Variants in CACNA2D3 observed in about 807,000 individuals in gnomAD.
CACNA2D3 encodes calcium voltage-gated channel auxiliary subunit alpha2delta 3, also known as voltage-dependent calcium channel subunit alpha-2/delta-3.
Under a neutral mutation model 160.6 loss-of-function variants are expected in CACNA2D3, and 60 were observed. That is an observed-to-expected ratio of 0.37 (90% CI 0.30 to 0.46). CACNA2D3 has a LOEUF of 0.46. Among genes scored for constraint, CACNA2D3 ranks in the 20% least tolerant of loss-of-function variants. The probability of loss-of-function intolerance (pLI) is 1.00; values close to 1 mark genes in which losing one functional copy is unlikely to be tolerated. For synonymous variants in CACNA2D3, 558 were observed against 492.9 expected, an observed-to-expected ratio of 1.13 and a Z score of -1.75; for missense variants, 1,205 against 1,365.0, an observed-to-expected ratio of 0.88 and a Z score of 1.85.
chr3:54,897,882 G>A (rs1364011786), intron 26 of CACNA2D3, among the ~76,000 whole-genome samples: 1 of 152,196 alleles, frequency 6.6e-6, no homozygotes, highest in East Asian at 1.9e-4. Context: ...CATATTTAAG[G>A]AGAGGCTGAA....
intron 17 of CACNA2D3, among the ~76,000 whole-genome samples, chr3:54,868,783 GTCT>G (rs1371147952): frequency 6.6e-6 from 1 of 152,122 alleles, no homozygotes; most frequent in African/African-American, 2.4e-5. Flanking sequence ...TTATTGAATG[GTCT>G]TCTTCATTTC....
chr3:54,713,543 C>G (rs562147463), intron 11 of CACNA2D3, among the ~76,000 whole-genome samples: 1 of 152,314 alleles, frequency 6.6e-6, no homozygotes, highest in African/African-American at 2.4e-5. Flanking sequence ...TGAAATTCCT[C>G]TTTTCTTCTC....
intron 13 of CACNA2D3, among the ~76,000 whole-genome samples, chr3:54,794,575 C>G (rs7638223): frequency 0.29 from 44,436 of 151,024 alleles, 6,933 homozygotes; most frequent in African/African-American, 0.39. Flanking sequence ...CTATAGTTCA[C>G]CTCTGCTGGC....
At chr3:54,734,610 G>A (rs1701459887) in intron 11 of CACNA2D3, among the ~76,000 whole-genome samples, 1 of 152,138 alleles carries the variant, frequency 6.6e-6, no homozygotes, top group African/African-American at 2.4e-5. Flanking sequence ...GTTTCATTTG[G>A]GGATGCTCGA....
intron 11 of CACNA2D3, among the ~76,000 whole-genome samples, chr3:54,745,823 T>G (rs1043317685): frequency 6.6e-6 from 1 of 152,170 alleles, no homozygotes; most frequent in Non-Finnish European, 1.5e-5. Flanking sequence ...TTGGAATTTT[T>G]TTTTCAATAC....
intron 27 of CACNA2D3, among the ~76,000 whole-genome samples, chr3:54,948,556 G>A (rs1363682569): frequency 1.3e-5 from 2 of 152,116 alleles, no homozygotes; most frequent in Non-Finnish European, 2.9e-5. Context: ...CAGCTAACTC[G>A]GTACAACTGG....
At chr3:54,415,341 T>G (rs1699737189) in intron 4 of CACNA2D3, among the ~76,000 whole-genome samples, 1 of 152,164 alleles carries the variant, frequency 6.6e-6, no homozygotes, top group Non-Finnish European at 1.5e-5. Context: ...TTGAATCTGG[T>G]GGCAATCCCG....
intron 6 of CACNA2D3, among the ~76,000 whole-genome samples, chr3:54,567,807 G>A (rs548973649): frequency 1.3e-5 from 2 of 152,344 alleles, no homozygotes; most frequent in East Asian, 3.9e-4. Flanking sequence ...TGGGATTACA[G>A]GCGTGAGCCA....
chr3:54,944,453 C>G (rs563463148), intron 27 of CACNA2D3, among the ~76,000 whole-genome samples: 3 of 151,814 alleles, frequency 2.0e-5, no homozygotes, highest in Non-Finnish European at 2.9e-5. Context: ...CGGAATCTCG[C>G]TCTGTCGCCC....
intron 9 of CACNA2D3, among the ~76,000 whole-genome samples, chr3:54,616,231 A>C (rs1698847324): frequency 6.6e-6 from 1 of 152,196 alleles, no homozygotes; most frequent in African/African-American, 2.4e-5. Flanking sequence ...TTCAGGATGT[A>C]GGCTGGGGGC....
At chr3:54,922,052 C>T (rs558316367) in intron 27 of CACNA2D3, among the ~76,000 whole-genome samples, 40 of 152,134 alleles carry the variant, frequency 2.6e-4, no homozygotes, top group Non-Finnish European at 4.7e-4. Flanking sequence ...GTCTTATTAC[C>T]CCAAATCAAT....
At position 54,734,618 on chromosome 3, in the gene CACNA2D3, C is replaced by T. The variant is rs924552050; in HGVS notation, c.1168-17981C>T. 2.6e-5 allele frequency among the ~76,000 whole-genome samples: 4 copies of T among 152,108 alleles called. No homozygotes were observed. In the East Asian group the frequency reaches 5.8e-4, roughly 22 times the overall value. On this transcript the variant is annotated intron_variant, in intron 11 of 37. Transcript: ENST00000474759. ...CCTGGTTGTTTCATTTGGGGATGCT[C>T]GAAGCATCTTTGCAGATCGGTAGGA...
chr3:54,575,665 G>C (rs144594353), intron 8 of CACNA2D3, among the ~76,000 whole-genome samples: 1 of 152,186 alleles, frequency 6.6e-6, no homozygotes, highest in East Asian at 1.9e-4. Context: ...CTTGGAGAGG[G>C]AGTAGTTGGG....
At chr3:54,663,575 G>C (rs972304341) in intron 11 of CACNA2D3, among the ~76,000 whole-genome samples, 14 of 152,206 alleles carry the variant, frequency 9.2e-5, no homozygotes, top group Non-Finnish European at 1.5e-4. Flanking sequence ...TTTCACTTCA[G>C]AGAGGCAGGA....
intron 12 of CACNA2D3, among the ~76,000 whole-genome samples, chr3:54,763,707 A>ACATATATACATATATATGTG (rs1452877412): frequency 2.6e-4 from 29 of 111,592 alleles, no homozygotes; most frequent in Non-Finnish European, 4.2e-4. Flanking sequence ...GTATATATGT[A>ACATATATACATATATATGTG]TATATATGTA....
chr3:54,754,467 T>G (rs1701933918), intron 12 of CACNA2D3, among the ~76,000 whole-genome samples: 1 of 152,188 alleles, frequency 6.6e-6, no homozygotes, highest in Non-Finnish European at 1.5e-5. Context: ...CTCTGGTATG[T>G]AAGTGCCCTG....
intron 4 of CACNA2D3, among the ~76,000 whole-genome samples, chr3:54,442,083 A>G (rs930055186): frequency 3.3e-5 from 5 of 152,188 alleles, no homozygotes; most frequent in African/African-American, 1.2e-4. Context: ...AGCAAGGACT[A>G]TAGATGTGTA....
At chr3:54,841,806 A>G (rs1698824922) in intron 16 of CACNA2D3, among the ~76,000 whole-genome samples, 1 of 152,198 alleles carries the variant, frequency 6.6e-6, no homozygotes, top group African/African-American at 2.4e-5. Flanking sequence ...GGTTCACTTC[A>G]TTAGCCCAGA....
At chr3:54,779,192 GGCTCAA>G (rs1224188120) in intron 13 of CACNA2D3, among the ~76,000 whole-genome samples, 3 of 152,024 alleles carry the variant, frequency 2.0e-5, no homozygotes, top group Non-Finnish European at 2.9e-5. Context: ...CCACCTCCCA[GGCTCAA>G]GTGATTCTCC....
Sources: allele counts gnomAD v4.1 joint callset (sites outside exome capture counted in the v4.1 genomes callset), GRCh38; gene constraint gnomAD v4.1.1; transcripts MANE v1.5; gene names NCBI Gene and HGNC (gene_info 2026-07-23, HGNC 2026-07-21).